JARID2: variants seen among roughly 807,000 people sequenced by gnomAD.
The protein encoded by JARID2 is jumonji and AT-rich interaction domain containing 2.
Under a neutral mutation model 125.6 loss-of-function variants are expected in JARID2, and 21 were observed. The observed-to-expected ratio is 0.17, with a 90% confidence interval of 0.12 to 0.24. The LOEUF (loss-of-function observed/expected upper bound fraction) is 0.24. Among genes scored for constraint, JARID2 ranks in the 10% least tolerant of loss-of-function variants. The pLI is 1.00. For synonymous variants in JARID2, 736 were observed against 661.6 expected, an observed-to-expected ratio of 1.11 and a Z score of -1.73; for missense variants, 1,303 against 1,639.6, an observed-to-expected ratio of 0.79 and a Z score of 3.55.
chr6:15,357,083 C>G, intron 1 of JARID2, among the ~76,000 whole-genome samples: 1 of 152,190 alleles, frequency 6.6e-6, no homozygotes, highest in East Asian at 1.9e-4. Context: ...TTCTAAGTAC[C>G]TTTTGCTCAG....
intron 1 of JARID2, among the ~76,000 whole-genome samples, chr6:15,269,410 G>A (rs998707648): frequency 5.3e-5 from 8 of 152,020 alleles, no homozygotes; most frequent in East Asian, 1.9e-4. Context: ...CCAGGCTGGC[G>A]TGTGGTGGTG....
At chr6:15,248,508 A>G (rs1316389374) in intron 1 of JARID2, 2 of 145,824 alleles carry the variant, frequency 1.4e-5, no homozygotes, top group East Asian at 2.1e-4. Context: ...GGCGCCCCCC[A>G]CCGCGCACAC....
At position 15,520,172 on chromosome 6, in the gene JARID2, G is replaced by A. The variant is rs763081488; in HGVS notation, c.3662G>A (p.Arg1221His). The A allele has an allele frequency of 8.1e-6, 13 of 1,613,998 alleles. No homozygotes were observed. Among genetic ancestry groups the A allele is most frequent in the South Asian group, 1.1e-5 (1 of 91,064 alleles). ...LSKPTPKRGP[R>H]KRATVDVPPS... is the part of the protein sequence containing the mutation. Reference sequence around the variant, plus strand: ...AAACCCACACCAAAAAGAGGTCCCCGCAAGAGAGCGACAGTGGACGTGCCC... The same window carrying A: ...AAACCCACACCAAAAAGAGGTCCCCACAAGAGAGCGACAGTGGACGTGCCC... Residue 1221 changes from arginine to histidine, a missense_variant, in exon 18 of 18, where the codon CGC becomes CAC. Physicochemically the swap from Arg to His is conservative, Grantham distance 29. This residue lies in a region of JARID2 where 75 missense variants were observed against 66.0 expected (regional missense o/e 1.14). Transcript: ENST00000341776.
intron 3 of JARID2, among the ~76,000 whole-genome samples, chr6:15,434,268 A>G (rs1767107729): frequency 6.6e-6 from 1 of 152,214 alleles, no homozygotes; most frequent in South Asian, 2.1e-4. Context: ...ACAATTCCAT[A>G]TACTCCTCAA....
intron 12 of JARID2, among the ~76,000 whole-genome samples, chr6:15,510,527 C>T (rs1238468520): frequency 6.6e-6 from 1 of 152,182 alleles, no homozygotes; most frequent in Non-Finnish European, 1.5e-5. Context: ...ACTTGAGGAC[C>T]CCTGCCATGG....
At chr6:15,413,564 C>G (rs1299326356) in intron 3 of JARID2, among the ~76,000 whole-genome samples, 3 of 152,118 alleles carry the variant, frequency 2.0e-5, no homozygotes, top group South Asian at 2.1e-4. Flanking sequence ...CAAGAGAGCA[C>G]AAGAAAGTGC....
intron 3 of JARID2, among the ~76,000 whole-genome samples, chr6:15,440,128 C>T (rs1767383009): frequency 6.6e-6 from 1 of 152,212 alleles, no homozygotes; most frequent in South Asian, 2.1e-4. Context: ...TTTGAGGGTT[C>T]ATTTAAGCCG....
intron 1 of JARID2, among the ~76,000 whole-genome samples, chr6:15,302,116 C>A (rs1051595437): frequency 6.6e-6 from 1 of 152,116 alleles, no homozygotes; most frequent in Non-Finnish European, 1.5e-5. Flanking sequence ...CAACATGTTA[C>A]TTGAAGAGTA....
intron 1 of JARID2, among the ~76,000 whole-genome samples, chr6:15,313,793 G>T (rs1762092472): frequency 6.6e-6 from 1 of 152,108 alleles, no homozygotes; most frequent in Admixed American, 6.5e-5. Flanking sequence ...TTCTTACTTG[G>T]GGAGATTTCT....
At chr6:15,517,680 C>T (rs1561921970) in intron 17 of JARID2, among the ~76,000 whole-genome samples, 1 of 152,142 alleles carries the variant, frequency 6.6e-6, no homozygotes, top group African/African-American at 2.4e-5. Flanking sequence ...GAAGTGTCTG[C>T]GGACACTGGG....
intron 1 of JARID2, among the ~76,000 whole-genome samples, chr6:15,305,992 A>G (rs1381596132): frequency 6.6e-6 from 1 of 152,216 alleles, no homozygotes; most frequent in African/African-American, 2.4e-5. Flanking sequence ...TTTAAAATGC[A>G]GAGACAAATT....
At chr6:15,426,646 T>G (rs1470630971) in intron 3 of JARID2, among the ~76,000 whole-genome samples, 1 of 152,204 alleles carries the variant, frequency 6.6e-6, no homozygotes, top group Non-Finnish European at 1.5e-5. Context: ...TTCCTTCAGT[T>G]ATAGTAGGGA....
At chr6:15,268,929 T>C (rs1287060397) in intron 1 of JARID2, among the ~76,000 whole-genome samples, 3 of 152,196 alleles carry the variant, frequency 2.0e-5, no homozygotes, top group Admixed American at 2.0e-4. Context: ...TCTAACTCTT[T>C]TGTTAAACCT....
intron 2 of JARID2, among the ~76,000 whole-genome samples, chr6:15,401,258 C>G (rs1035198623): frequency 2.6e-5 from 4 of 152,070 alleles, no homozygotes; most frequent in Non-Finnish European, 5.9e-5. Context: ...AATGGTGGCT[C>G]CTGCAAAGGC....
chr6:15,324,074 C>CGGG (rs1439638346), intron 1 of JARID2, among the ~76,000 whole-genome samples: 5 of 151,386 alleles, frequency 3.3e-5, no homozygotes, highest in African/African-American at 1.2e-4. Context: ...CCCAGCTACT[C>CGGG]AGGCTGAGGC....
At chr6:15,281,117 G>A (rs1257461072) in intron 1 of JARID2, among the ~76,000 whole-genome samples, 1 of 152,172 alleles carries the variant, frequency 6.6e-6, no homozygotes, top group African/African-American at 2.4e-5. Context: ...GTTTCAGTGT[G>A]TCAGTGTTTG....
At chr6:15,292,931 A>G (rs1271024024) in intron 1 of JARID2, among the ~76,000 whole-genome samples, 1 of 152,134 alleles carries the variant, frequency 6.6e-6, no homozygotes, top group Non-Finnish European at 1.5e-5. Flanking sequence ...CACCTTCCAA[A>G]TTGCTGAGAT....
At chr6:15,429,207 G>GT (rs1469080284) in intron 3 of JARID2, among the ~76,000 whole-genome samples, 1 of 151,814 alleles carries the variant, frequency 6.6e-6, no homozygotes, top group East Asian at 1.9e-4. Flanking sequence ...TTTTGAGTGT[G>GT]TAAACAAATT....
rs56268949 is a variant in JARID2, at chr6:15,486,806, C to CTTTTTTTTTTTTTT, written c.671-496_671-483dup. ...CATCTCTTTTAAATCTGAGAATAGA[C>CTTTTTTTTTTTTTT]TTTTTTTTTTTTTTTTTTGAGACAG... On this transcript the variant is annotated intron_variant, in intron 5 of 17. Coordinates refer to ENST00000341776, the MANE Select transcript of JARID2 (RefSeq NM_004973.4). Among the ~76,000 whole-genome samples, 242 of 100,504 alleles carry CTTTTTTTTTTTTTT rather than the reference C, an allele frequency of 2.4e-3. 37 individuals are homozygous for CTTTTTTTTTTTTTT. Among genetic ancestry groups the CTTTTTTTTTTTTTT allele is most frequent in the African/African-American group, 9.7e-3 (203 of 20,906 alleles). The allele number at this position is 100,504 out of a possible 152,430, so 65.9% of individuals were successfully genotyped here. A position where few individuals can be genotyped will look rare whatever the true frequency, so the allele number is the denominator to read the frequency against.
Sources: allele counts gnomAD v4.1 joint callset (sites outside exome capture counted in the v4.1 genomes callset), GRCh38; gene constraint gnomAD v4.1.1; regional missense constraint gnomAD v4.1.1; transcripts MANE v1.5; gene names NCBI Gene and HGNC (gene_info 2026-07-23, HGNC 2026-07-21).